The following RAE1 variants were observed in gnomAD, a reference collection of about 807,000 sequenced individuals.
RAE1 encodes ribonucleic acid export 1, also known as mRNA export factor RAE1.
RAE1 carries 13 observed loss-of-function variants against 52.7 expected under a neutral mutation model. The ratio of observed to expected loss-of-function variants is 0.25; its 90% confidence interval spans 0.16 to 0.39. The LOEUF (loss-of-function observed/expected upper bound fraction) is 0.39. Among genes scored for constraint, RAE1 ranks in the 10% least tolerant of loss-of-function variants. The pLI, the probability that RAE1 is intolerant of heterozygous loss-of-function variation, is 1.00. For missense variants in RAE1, 262 were observed against 459.8 expected, an observed-to-expected ratio of 0.57 and a Z score of 3.93; for synonymous variants, 164 against 153.1, an observed-to-expected ratio of 1.07 and a Z score of -0.52.
intron 7 of RAE1, among the ~76,000 whole-genome samples, chr20:57,368,329 C>T (rs1347168829): frequency 6.6e-6 from 1 of 152,078 alleles, no homozygotes; most frequent in Non-Finnish European, 1.5e-5. Flanking sequence ...TGACGTGGAC[C>T]TTATGAAACA....
chr20:57,375,124 T>C (rs1270968699), intron 11 of RAE1: 7 of 652,358 alleles, frequency 1.1e-5, no homozygotes, highest in African/African-American at 1.8e-5. Context: ...TCATGGAGCT[T>C]TCGCCTGGGT....
intron 3 of RAE1, among the ~76,000 whole-genome samples, 176 bp downstream of exon 3, chr20:57,354,992 C>T (rs1036614340): frequency 6.6e-6 from 1 of 152,180 alleles, no homozygotes; most frequent in African/African-American, 2.4e-5. Flanking sequence ...TTCTTACACC[C>T]GTTTTTGTTA....
Position 57,374,749 on chromosome 20 carries a change from T to C in RAE1, c.968T>C (p.Phe323Ser), listed in dbSNP as rs767087401. The change falls in exon 11 of 12, where the codon TTC (phenylalanine) becomes TCC (serine). Residue 323 changes from phenylalanine to serine, a missense_variant. By Grantham distance (155) the Phe-to-Ser change is radical. Transcript: ENST00000395841. ...QLDQPISACC[F>S]NHNGNIFAYA... is the part of the protein sequence containing the mutation. The stretch of plus-strand genomic sequence containing the variant: ...GATCAGCCCATCTCAGCTTGCTGTT[T>C]CAATCACAATGGAAACATATTTGCA... 4 of 1,614,108 alleles carry C rather than the reference T, an allele frequency of 2.5e-6. No homozygotes were observed. The highest frequency in any genetic ancestry group is 3.4e-6 in the Non-Finnish European group (4 of 1,180,048).
At chr20:57,370,358 C>T (rs115753120) in intron 8 of RAE1, among the ~76,000 whole-genome samples, 2,788 of 152,312 alleles carry the variant, frequency 0.018, 83 homozygotes, top group African/African-American at 0.064. Context: ...TGGCTGCTGT[C>T]TTGCCAGCCT....
intron 1 of RAE1, among the ~76,000 whole-genome samples, chr20:57,352,911 G>A (rs1241016795): frequency 6.6e-6 from 1 of 152,248 alleles, no homozygotes; most frequent in East Asian, 1.9e-4. Flanking sequence ...GAGGGCAGAA[G>A]TGTGGCCGGC....
At chr20:57,352,612 C>T (rs1265535674) in intron 1 of RAE1, among the ~76,000 whole-genome samples, 1 of 152,156 alleles carries the variant, frequency 6.6e-6, no homozygotes, top group Non-Finnish European at 1.5e-5. Context: ...TAAGTTCATC[C>T]CTAATGGCAG....
At chr20:57,351,622 C>A in intron 1 of RAE1, 200 bp downstream of exon 1, 1 of 985,562 alleles carries the variant, frequency 1.0e-6, no homozygotes, top group Non-Finnish European at 1.2e-6. Context: ...TCCATCGTTT[C>A]TCTTGTGGGG....
At chr20:57,375,075 G>A (rs1039961225) in intron 11 of RAE1, 3 of 695,246 alleles carry the variant, frequency 4.3e-6, no homozygotes, top group Non-Finnish European at 7.9e-6. Context: ...GCACAGGCAA[G>A]CCGGGGGCTG....
intron 11 of RAE1, among the ~76,000 whole-genome samples, chr20:57,377,673 G>C (rs184367041): frequency 6.6e-6 from 1 of 152,230 alleles, no homozygotes; most frequent in East Asian, 1.9e-4. Context: ...AGCATTCTCA[G>C]GTCAGAACTA....
Position 57,352,143 on chromosome 20 carries a change from C to T in RAE1, c.-8+721C>T, listed in dbSNP as rs749769751. 44 of 201,996 alleles carry T rather than the reference C, an allele frequency of 2.2e-4. 1 individual carries two copies. The highest frequency in any genetic ancestry group is 2.4e-3 in the Middle Eastern group (1 of 410). 12.5% of individuals were successfully genotyped at this position (201,996 alleles called of 1,614,324 possible). A position where few individuals can be genotyped will look rare whatever the true frequency, so the allele number is the denominator to read the frequency against. ...GAGGAGGTGACTTTAAAAAAGAATA[C>T]GTGTGACAGCTTTATTGAAGTATAA... On this transcript the variant is annotated intron_variant, in intron 1 of 11. Coordinates refer to ENST00000395841, the MANE Select transcript of RAE1 (RefSeq NM_003610.4).
At chr20:57,353,761 A>G (rs892738668) in intron 1 of RAE1, among the ~76,000 whole-genome samples, 42 of 152,256 alleles carry the variant, frequency 2.8e-4, no homozygotes. Flanking sequence ...ATTAATGGTA[A>G]CAAATGAACC....
At chr20:57,373,076 C>G (rs923369627) in intron 8 of RAE1, 43 of 240,416 alleles carry the variant, frequency 1.8e-4, no homozygotes, top group Middle Eastern at 1.7e-3. Flanking sequence ...AGCCTGCATC[C>G]CTCCTCCAGC....
chr20:57,371,912 A>G (rs2067040984), intron 8 of RAE1: 1 of 152,228 alleles, frequency 6.6e-6, no homozygotes, highest in African/African-American at 2.4e-5. Flanking sequence ...GCAAAATGAA[A>G]TAAGCCAGAC....
At chr20:57,371,257 C>T (rs1172547559) in intron 8 of RAE1, 1 of 152,082 alleles carries the variant, frequency 6.6e-6, no homozygotes, top group Non-Finnish European at 1.5e-5. Context: ...GCAGAGGGAA[C>T]CATGGAAAAG....
intron 1 of RAE1, chr20:57,352,105 C>A: frequency 3.9e-6 from 2 of 509,516 alleles, no homozygotes; most frequent in Non-Finnish European, 5.1e-6. Flanking sequence ...TTAAAGTTGG[C>A]AAAGAAGCGT....
At chr20:57,369,297 G>C (rs1390525262) in intron 8 of RAE1, among the ~76,000 whole-genome samples, 2 of 152,232 alleles carry the variant, frequency 1.3e-5, no homozygotes, top group African/African-American at 2.4e-5. Context: ...GGCAAGACAG[G>C]TTATGGGAAG....
intron 4 of RAE1, 104 bp downstream of exon 4, chr20:57,356,642 A>G: frequency 9.7e-7 from 1 of 1,029,836 alleles, no homozygotes; most frequent in East Asian, 2.7e-5. Flanking sequence ...TTCATATTGT[A>G]GGAATTCTAA....
At chr20:57,375,312 C>T (rs1374854251) in intron 11 of RAE1, among the ~76,000 whole-genome samples, 1 of 152,140 alleles carries the variant, frequency 6.6e-6, no homozygotes, top group Non-Finnish European at 1.5e-5. Context: ...CTCCACTGCT[C>T]AGCTCTTCTG....
chr20:57,356,679 A>G (rs1431455508), intron 4 of RAE1, 141 bp downstream of exon 4: 2 of 794,208 alleles, frequency 2.5e-6, no homozygotes, highest in Non-Finnish European at 3.8e-6. Context: ...ATAGTCATTT[A>G]TTGATGTTCT....
Sources: gnomAD v4.1 joint callset for allele counts (sites outside exome capture counted in the v4.1 genomes callset) on GRCh38, gnomAD v4.1.1 for gene constraint, MANE v1.5 for transcripts, NCBI Gene and HGNC (gene_info 2026-07-23, HGNC 2026-07-21) for gene names.